The following FAM169A variants were observed in gnomAD, a reference collection of about 807,000 sequenced individuals.
FAM169A encodes soluble lamin-associated protein of 75 kDa.
Under a neutral mutation model 75.7 loss-of-function variants are expected in FAM169A, and 24 were observed. The observed-to-expected ratio is 0.32, with a 90% confidence interval of 0.23 to 0.45. The LOEUF (loss-of-function observed/expected upper bound fraction) is 0.45, where lower values mean the gene tolerates loss of function less well. FAM169A is among the 20% of genes least tolerant of loss of function. FAM169A has a pLI of 1.00. For missense variants in FAM169A, 673 were observed against 784.0 expected (o/e 0.86, Z 1.69); for synonymous variants, 271 against 271.0 (o/e 1.00, Z 0.00).
At chr5:74,833,511 T>C (rs1464224116) in intron 5 of FAM169A, among the ~76,000 whole-genome samples, 3 of 152,142 alleles carry the variant, frequency 2.0e-5, no homozygotes, top group Non-Finnish European at 4.4e-5. Flanking sequence ...ACCTTCCTTT[T>C]ATGGACTATA....
At chr5:74,866,907 C>T (rs1750378381), upstream of FAM169A, 1 of 985,428 alleles carries the variant, frequency 1.0e-6, no homozygotes, top group Non-Finnish European at 1.2e-6. Context: ...CCACTTTCAT[C>T]CTAAACCTAC....
chr5:74,824,081 T>C (rs577060231), intron 5 of FAM169A, among the ~76,000 whole-genome samples: 1 of 152,218 alleles, frequency 6.6e-6, no homozygotes, highest in African/African-American at 2.4e-5. Flanking sequence ...AATGCTTCCA[T>C]TACAAATCAC....
intron 7 of FAM169A, 100 bp downstream of exon 7, chr5:74,805,056 T>C (rs1361357066): frequency 2.1e-6 from 2 of 964,788 alleles, no homozygotes; most frequent in East Asian, 2.4e-5. Flanking sequence ...GACACAACCA[T>C]TATTAGCCTC....
At chr5:74,814,598 C>T (rs1277673911) in intron 5 of FAM169A, among the ~76,000 whole-genome samples, 1 of 152,100 alleles carries the variant, frequency 6.6e-6, no homozygotes, top group Non-Finnish European at 1.5e-5. Flanking sequence ...AAACATCTGT[C>T]TTAGACATGG....
At position 74,849,150 on chromosome 5, in the gene FAM169A, T is replaced by C. The variant is rs765269487; in HGVS notation, c.-3-7471A>G. ...CAGGGTAAGCTGTATAAAAACATAA[T>C]ACCAAGACCTCTTATATAAGAGATC... On this transcript the variant is annotated intron_variant, in intron 1 of 12. Coordinates refer to ENST00000687041, the MANE Select transcript of FAM169A (RefSeq NM_001376049.1). Among the ~76,000 whole-genome samples, 37 of 152,146 alleles carry C rather than the reference T, an allele frequency of 2.4e-4. 1 individual carries two copies. Among genetic ancestry groups the C allele is most frequent in the African/African-American group, 1.2e-4 (5 of 41,430 alleles).
intron 1 of FAM169A, among the ~76,000 whole-genome samples, chr5:74,841,947 C>CA (rs1230446148): frequency 9.9e-5 from 15 of 151,902 alleles, no homozygotes; most frequent in Non-Finnish European, 4.4e-5. Context: ...GTCACATAGG[C>CA]ATAAGACATA....
chr5:74,782,637 A>G (rs1289899791), intron 12 of FAM169A, among the ~76,000 whole-genome samples: 1 of 152,240 alleles, frequency 6.6e-6, no homozygotes, highest in Non-Finnish European at 1.5e-5. Flanking sequence ...AAATATAGGT[A>G]CTCAAATATT....
chr5:74,825,628 T>G (rs1747982386), intron 5 of FAM169A, among the ~76,000 whole-genome samples: 1 of 152,186 alleles, frequency 6.6e-6, no homozygotes, highest in African/African-American at 2.4e-5. Flanking sequence ...GTTTTAAGAC[T>G]GACAGTCTAG....
At chr5:74,847,909 T>C in intron 1 of FAM169A, among the ~76,000 whole-genome samples, 1 of 152,280 alleles carries the variant, frequency 6.6e-6, no homozygotes, top group East Asian at 1.9e-4. Context: ...AGTCTGACAA[T>C]TTAGATAACC....
rs756320196 is a variant in FAM169A at position 74,838,954 on chromosome 5, G to T, written c.318+11C>A. The T allele has an allele frequency of 1.9e-6, 3 of 1,593,338 alleles. No homozygotes were observed. The highest frequency in any genetic ancestry group is 2.6e-6 in the Non-Finnish European group (3 of 1,161,164). ...TCAAAAGAAACACTCAAAATTAGAGGATCTTGTTACCTGCTTAAGCCCCTC... is the reference window on the plus strand; with the variant it reads ...TCAAAAGAAACACTCAAAATTAGAGTATCTTGTTACCTGCTTAAGCCCCTC... On this transcript the variant is annotated intron_variant, in intron 4 of 12. Coordinates refer to ENST00000687041, the MANE Select transcript of FAM169A (RefSeq NM_001376049.1).
intron 1 of FAM169A, among the ~76,000 whole-genome samples, chr5:74,859,381 C>T (rs1438337803): frequency 1.4e-5 from 2 of 146,942 alleles, no homozygotes; most frequent in East Asian, 4.1e-4. Flanking sequence ...CCTCCACCTC[C>T]TGGATTCAAG....
At chr5:74,797,893 T>C (rs577811017) in intron 10 of FAM169A, among the ~76,000 whole-genome samples, 2 of 152,126 alleles carry the variant, frequency 1.3e-5, no homozygotes, top group East Asian at 1.9e-4. Context: ...CTTAATAATA[T>C]ATAAAAATAT....
chr5:74,825,673 T>C (rs1747985533), intron 5 of FAM169A, among the ~76,000 whole-genome samples: 1 of 152,180 alleles, frequency 6.6e-6, no homozygotes, highest in East Asian at 1.9e-4. Context: ...CTTTATTAAT[T>C]TGACGGGGCA....
chr5:74,794,343 G>A (rs904801344), intron 11 of FAM169A, among the ~76,000 whole-genome samples: 10 of 151,048 alleles, frequency 6.6e-5, no homozygotes, highest in Non-Finnish European at 1.0e-4. Context: ...GCAGTGAGCC[G>A]AGATTGTGCC....
chr5:74,804,242 A>T (rs1238021354), intron 8 of FAM169A, among the ~76,000 whole-genome samples: 1 of 152,080 alleles, frequency 6.6e-6, no homozygotes, highest in African/African-American at 2.4e-5. Context: ...ATTTTCTTCT[A>T]TATTATTTTA....
chr5:74,825,785 TG>T (rs1394517180), intron 5 of FAM169A, among the ~76,000 whole-genome samples: 1 of 152,194 alleles, frequency 6.6e-6, no homozygotes, highest in African/African-American at 2.4e-5. Context: ...TTTTGATTCT[TG>T]ATCTTTTGTC....
chr5:74,805,316 C>G, intron 6 of FAM169A, 32 bp from the exon 7 acceptor site: 1 of 1,603,774 alleles, frequency 6.2e-7, no homozygotes, highest in Non-Finnish European at 8.5e-7. Context: ...TTCTAGAAAT[C>G]CCAAATATCC....
intron 6 of FAM169A, among the ~76,000 whole-genome samples, chr5:74,807,516 T>C (rs564364315): frequency 6.6e-6 from 1 of 152,194 alleles, no homozygotes; most frequent in African/African-American, 2.4e-5. Context: ...AGTATCACTT[T>C]TGTACCATCA....
At chr5:74,832,675 A>G (rs115493347) in intron 5 of FAM169A, among the ~76,000 whole-genome samples, 2,094 of 150,214 alleles carry the variant, frequency 0.014, 19 homozygotes, top group Non-Finnish European at 0.022. Context: ...ATATATATAC[A>G]CACACATATC....
Sources: gnomAD v4.1 joint callset for allele counts (sites outside exome capture counted in the v4.1 genomes callset) on GRCh38, gnomAD v4.1.1 for gene constraint, MANE v1.5 for transcripts, NCBI Gene and HGNC (gene_info 2026-07-23, HGNC 2026-07-21) for gene names.